SH3RF3: variants seen among roughly 807,000 people sequenced by gnomAD.
The protein encoded by SH3RF3 is SH3 domain containing ring finger 3.
In SH3RF3, 29 loss-of-function variants were observed where a neutral mutation model predicts 66.3. That is an observed-to-expected ratio of 0.44 (90% CI 0.33 to 0.60). The LOEUF is 0.60. Among genes scored for constraint, SH3RF3 ranks in the 20% least tolerant of loss-of-function variants. The pLI, the probability that SH3RF3 is intolerant of heterozygous loss-of-function variation, is 0.04. For missense variants in SH3RF3, 1,194 were observed against 1,190.9 expected (o/e 1.00, Z -0.04); for synonymous variants, 583 against 532.0 (o/e 1.10, Z -1.32).
At chr2:109,354,406 G>A (rs554463371) in intron 2 of SH3RF3, among the ~76,000 whole-genome samples, 17 of 152,366 alleles carry the variant, frequency 1.1e-4, no homozygotes, top group Admixed American at 6.5e-4. Flanking sequence ...GTGGCGCAGC[G>A]TTCATGTGGC....
chr2:109,453,439 G>A (rs1677946006), intron 8 of SH3RF3, among the ~76,000 whole-genome samples: 1 of 152,226 alleles, frequency 6.6e-6, no homozygotes. Context: ...ATCCGTGACA[G>A]TTTTCTGGTT....
chr2:109,493,972 T>G (rs1679194473), intron 9 of SH3RF3, among the ~76,000 whole-genome samples: 1 of 152,194 alleles, frequency 6.6e-6, no homozygotes, highest in African/African-American at 2.4e-5. Context: ...CCTCCCTTCA[T>G]GGGACCAACA....
chr2:109,227,546 C>T (rs1157029454), intron 1 of SH3RF3, among the ~76,000 whole-genome samples: 1 of 152,188 alleles, frequency 6.6e-6, no homozygotes, highest in African/African-American at 2.4e-5. Flanking sequence ...CTGGGCCCTG[C>T]CCTTCATCCC....
At chr2:109,138,718 G>A (rs1244299474) in intron 1 of SH3RF3, among the ~76,000 whole-genome samples, 2 of 152,230 alleles carry the variant, frequency 1.3e-5, no homozygotes, top group Non-Finnish European at 2.9e-5. Flanking sequence ...ATGAATGGTG[G>A]CCCAGGTGCT....
intron 1 of SH3RF3, among the ~76,000 whole-genome samples, chr2:109,279,940 A>AGGGTGAG (rs1209161339): frequency 1.1e-4 from 16 of 151,620 alleles, no homozygotes; most frequent in African/African-American, 3.6e-4. Context: ...TAAGAGGTGG[A>AGGGTGAG]GGGTGAGGGG....
intron 1 of SH3RF3, among the ~76,000 whole-genome samples, chr2:109,253,077 G>A (rs533283602): frequency 6.6e-6 from 1 of 152,044 alleles, no homozygotes; most frequent in African/African-American, 2.4e-5. Context: ...GCCCAGGCTG[G>A]AGTGCAGTGG....
chr2:109,141,445 C>G (rs990121474), intron 1 of SH3RF3: 5 of 153,784 alleles, frequency 3.3e-5, no homozygotes, highest in Admixed American at 6.5e-5. Context: ...GGGAGGGGCT[C>G]GAGACCTCTG....
At chr2:109,428,289 CTT>C (rs1162193452) in intron 5 of SH3RF3, among the ~76,000 whole-genome samples, 1 of 152,268 alleles carries the variant, frequency 6.6e-6, no homozygotes, top group African/African-American at 2.4e-5. Flanking sequence ...CACTAAAATA[CTT>C]TGGTTTACTC....
intron 1 of SH3RF3, among the ~76,000 whole-genome samples, chr2:109,190,886 A>G (rs1678337246): frequency 6.6e-6 from 1 of 151,768 alleles, no homozygotes; most frequent in Non-Finnish European, 1.5e-5. Context: ...TGCTCTACCT[A>G]ATCAGAAAAT....
intron 1 of SH3RF3, among the ~76,000 whole-genome samples, chr2:109,146,446 C>G (rs568440409): frequency 6.6e-5 from 10 of 152,092 alleles, no homozygotes; most frequent in Non-Finnish European, 1.3e-4. Flanking sequence ...CAATTCCGTG[C>G]CAAGAGGCCT....
intron 8 of SH3RF3, among the ~76,000 whole-genome samples, chr2:109,481,231 C>T (rs560143066): frequency 1.3e-5 from 2 of 152,306 alleles, no homozygotes; most frequent in East Asian, 3.9e-4. Context: ...GCGAGGGTCC[C>T]CCCACACAGG....
At chr2:109,220,070 G>A (rs372267687) in intron 1 of SH3RF3, among the ~76,000 whole-genome samples, 1 of 152,190 alleles carries the variant, frequency 6.6e-6, no homozygotes, top group Non-Finnish European at 1.5e-5. Context: ...TAGCATAAGG[G>A]ATAGATATAT....
chr2:109,130,299 G>T, intron 1 of SH3RF3, among the ~76,000 whole-genome samples, 186 bp downstream of exon 1: 1 of 152,312 alleles, frequency 6.6e-6, no homozygotes, highest in African/African-American at 2.4e-5. Context: ...GCAGCTCGCC[G>T]CTTGTTCACG....
chr2:109,337,818 G>A (rs570744625), intron 1 of SH3RF3, among the ~76,000 whole-genome samples: 251 of 151,914 alleles, frequency 1.7e-3, no homozygotes, highest in African/African-American at 5.5e-3. Flanking sequence ...GCCTCAACCT[G>A]CTGGGCTCAA....
intron 1 of SH3RF3, among the ~76,000 whole-genome samples, chr2:109,201,835 A>G (rs1302728378): frequency 3.3e-5 from 5 of 152,222 alleles, no homozygotes; most frequent in Admixed American, 6.5e-5. Context: ...TAAATGGGGC[A>G]TAGTGCCCTC....
rs545515491 is a variant in SH3RF3 at position 109,134,072 on chromosome 2, T to C, written c.573+3959T>C. Among the ~76,000 whole-genome samples, 7 of 152,338 alleles carry C rather than the reference T, an allele frequency of 4.6e-5. No homozygotes were observed. In the South Asian group the frequency reaches 1.4e-3, roughly 32 times the overall value. On this transcript the variant is annotated intron_variant, in intron 1 of 9. Coordinates refer to ENST00000309415, the MANE Select transcript of SH3RF3 (RefSeq NM_001099289.3). ...GTTGAACTGCTTATATACCCGAGAT[T>C]TTCTGTTGAACATTTACTGAGTGCC...
At chr2:109,395,862 G>T (rs1676129875) in intron 3 of SH3RF3, among the ~76,000 whole-genome samples, 1 of 152,186 alleles carries the variant, frequency 6.6e-6, no homozygotes, top group Non-Finnish European at 1.5e-5. Flanking sequence ...CAACCTGTTG[G>T]TGCCTGGATT....
In SH3RF3 at chr2:109,129,230, G is replaced by C. The variant is rs754941234; in HGVS notation, c.-311G>C. 1.8e-6 allele frequency: 1 copy of C among 554,152 alleles called. No individual in the cohort carries two copies. The highest frequency in any genetic ancestry group is 2.8e-5 in the Admixed American group (1 of 35,590). The allele number at this position is 554,152 out of a possible 1,614,324, so 34.3% of individuals were successfully genotyped here. ...ACAGAACCCGTTGAGCTTCGTGCCC[G>C]GCAGCACCCCCGGTCCCCCGCGCGG... On this transcript the variant is annotated 5_prime_UTR_variant, in exon 1 of 10. Transcript: ENST00000309415.
intron 2 of SH3RF3, among the ~76,000 whole-genome samples, chr2:109,358,963 G>A (rs1683003844): frequency 6.6e-6 from 1 of 152,062 alleles, no homozygotes; most frequent in African/African-American, 2.4e-5. Flanking sequence ...TTTTTGTGAG[G>A]GGTGGAATGT....
Sources: allele counts gnomAD v4.1 joint callset (sites outside exome capture counted in the v4.1 genomes callset), GRCh38; gene constraint gnomAD v4.1.1; transcripts MANE v1.5; gene names NCBI Gene and HGNC (gene_info 2026-07-23, HGNC 2026-07-21).